SEMA6D: variants seen among roughly 807,000 people sequenced by gnomAD.
The protein encoded by SEMA6D is semaphorin 6D.
A neutral mutation model predicts 106.6 loss-of-function variants in SEMA6D; 35 were observed. The ratio of observed to expected loss-of-function variants is 0.33; its 90% CI spans 0.25 to 0.44. The LOEUF (loss-of-function observed/expected upper bound fraction) is 0.44. Ranked by LOEUF, SEMA6D falls within the 20% of genes least tolerant of loss-of-function variation. The probability of loss-of-function intolerance (pLI) is 1.00; values close to 1 mark genes in which losing one functional copy is unlikely to be tolerated. For synonymous variants in SEMA6D, 499 were observed against 487.7 expected (o/e 1.02, Z -0.31); for missense variants, 1,185 against 1,345.9 (o/e 0.88, Z 1.87).
At chr15:47,667,233 C>T (rs771302246) in intron 4 of SEMA6D, among the ~76,000 whole-genome samples, 31 of 152,196 alleles carry the variant, frequency 2.0e-4, no homozygotes, top group Non-Finnish European at 4.0e-4. Context: ...TGTTATAAAG[C>T]AAGAATAACT....
Position 47,390,035 on chromosome 15 carries a change from G to A in SEMA6D, c.-238-22358G>A, listed in dbSNP as rs1282061297. ...TGATCTTTATATACTGTCTCTCTTAGTTATTCCCATAGTAATACTGACCGA... is the reference window on the plus strand; with the variant it reads ...TGATCTTTATATACTGTCTCTCTTAATTATTCCCATAGTAATACTGACCGA... On this transcript the variant is annotated intron_variant, in intron 1 of 19. Coordinates refer to the SEMA6D transcript ENST00000558014. Among the ~76,000 whole-genome samples, 6 of 152,200 alleles carry A rather than the reference G, an allele frequency of 3.9e-5. No individual in the cohort carries two copies. In the South Asian group the frequency reaches 1.2e-3, roughly 32 times the overall value.
At chr15:47,598,630 A>G (rs1047436535) in intron 3 of SEMA6D, among the ~76,000 whole-genome samples, 2 of 152,146 alleles carry the variant, frequency 1.3e-5, no homozygotes, top group African/African-American at 4.8e-5. Flanking sequence ...AAAATTAAAA[A>G]GCTTGGGCTA....
chr15:47,256,980 A>G (rs970140841), intron 1 of SEMA6D, among the ~76,000 whole-genome samples: 1 of 151,748 alleles, frequency 6.6e-6, no homozygotes, highest in African/African-American at 2.4e-5. Flanking sequence ...AATCAATATG[A>G]TTTTATTTAT....
intron 3 of SEMA6D, among the ~76,000 whole-genome samples, chr15:47,506,275 C>T (rs2044034409): frequency 6.6e-6 from 1 of 152,136 alleles, no homozygotes; most frequent in Non-Finnish European, 1.5e-5. Context: ...GCCATCTGAT[C>T]TTAGAGGGCA....
At chr15:47,481,359 A>G (rs145672023) in intron 3 of SEMA6D, among the ~76,000 whole-genome samples, 2 of 152,306 alleles carry the variant, frequency 1.3e-5, no homozygotes, top group African/African-American at 4.8e-5. Context: ...ACTTAAGTGC[A>G]TGAAGAGAAA....
chr15:47,219,528 C>G (rs537479509), intron 1 of SEMA6D, among the ~76,000 whole-genome samples: 3 of 152,174 alleles, frequency 2.0e-5, no homozygotes, highest in Non-Finnish European at 4.4e-5. Flanking sequence ...CTCCCAAACA[C>G]AAATGTGAAG....
intron 1 of SEMA6D, among the ~76,000 whole-genome samples, chr15:47,257,688 A>C (rs914997354): frequency 6.6e-6 from 1 of 151,392 alleles, no homozygotes; most frequent in African/African-American, 2.4e-5. Context: ...TTTTTTTAGG[A>C]TAGGATATGG....
At chr15:47,610,298 T>C (rs1174453440) in intron 4 of SEMA6D, among the ~76,000 whole-genome samples, 1 of 152,212 alleles carries the variant, frequency 6.6e-6, no homozygotes, top group Non-Finnish European at 1.5e-5. Context: ...GGGTGAGTTC[T>C]TCCCAGAAAG....
At chr15:47,227,016 C>A (rs1244289460) in intron 1 of SEMA6D, among the ~76,000 whole-genome samples, 1 of 152,006 alleles carries the variant, frequency 6.6e-6, no homozygotes, top group Non-Finnish European at 1.5e-5. Flanking sequence ...TTCCTCCAAG[C>A]TCCTCCTGCC....
chr15:47,645,675 G>T (rs1434820900), intron 4 of SEMA6D, among the ~76,000 whole-genome samples: 2 of 152,144 alleles, frequency 1.3e-5, no homozygotes, highest in Admixed American at 6.5e-5. Flanking sequence ...ATAGCATCAG[G>T]TCACACAGGT....
At chr15:47,265,710 A>G (rs1328021471) in intron 1 of SEMA6D, among the ~76,000 whole-genome samples, 1 of 151,900 alleles carries the variant, frequency 6.6e-6, no homozygotes, top group East Asian at 1.9e-4. Context: ...GAAACTAGAC[A>G]TTTTAGATAA....
rs186526177 is a variant in SEMA6D, at chr15:47,365,469, T to G, written c.-238-46924T>G. ...TCTCTTTCCCAGATAGAAATTTGTT[T>G]CTAAATCAGCGTCTAATCTCTTGAC... On this transcript the variant is annotated intron_variant, in intron 1 of 19. Transcript: ENST00000558014. 7.3e-4 allele frequency among the ~76,000 whole-genome samples: 111 copies of G among 152,272 alleles called. No homozygotes were observed. In the Middle Eastern group the frequency reaches 0.027, roughly 37 times the overall value.
chr15:47,357,220 G>T (rs1220377249), intron 1 of SEMA6D, among the ~76,000 whole-genome samples: 1 of 152,106 alleles, frequency 6.6e-6, no homozygotes, highest in African/African-American at 2.4e-5. Flanking sequence ...TGTAGTCCCA[G>T]CTACTCGGGA....
chr15:47,579,466 C>A (rs1399456344), intron 3 of SEMA6D, among the ~76,000 whole-genome samples: 1 of 152,042 alleles, frequency 6.6e-6, no homozygotes, highest in Non-Finnish European at 1.5e-5. Flanking sequence ...TTAATGAGAA[C>A]CAAGCTTTGC....
intron 1 of SEMA6D, among the ~76,000 whole-genome samples, chr15:47,333,713 A>G (rs1595752937): frequency 6.6e-6 from 1 of 152,200 alleles, no homozygotes; most frequent in East Asian, 1.9e-4. Flanking sequence ...AACCCTTAAT[A>G]TCATGGACAT....
At chr15:47,329,693 T>G (rs1309088854) in intron 1 of SEMA6D, among the ~76,000 whole-genome samples, 3 of 152,198 alleles carry the variant, frequency 2.0e-5, no homozygotes, top group Admixed American at 6.5e-5. Flanking sequence ...CAGACCTGCC[T>G]CAGATTCCAG....
At chr15:47,250,214 A>T (rs2033433494) in intron 1 of SEMA6D, among the ~76,000 whole-genome samples, 1 of 152,184 alleles carries the variant, frequency 6.6e-6, no homozygotes, top group South Asian at 2.1e-4. Context: ...ATCCACTATG[A>T]TATATCTATT....
chr15:47,688,880 A>C (rs2078526620), intron 4 of SEMA6D, among the ~76,000 whole-genome samples: 1 of 152,200 alleles, frequency 6.6e-6, no homozygotes, highest in Non-Finnish European at 1.5e-5. Flanking sequence ...TTTTGGTTGG[A>C]TGAAAGGACT....
intron 4 of SEMA6D, among the ~76,000 whole-genome samples, chr15:47,615,921 G>A (rs1307205539): frequency 6.6e-6 from 1 of 152,156 alleles, no homozygotes; most frequent in African/African-American, 2.4e-5. Flanking sequence ...TCCAGTTACT[G>A]AAGAGCACAT....
Sources: gnomAD v4.1 joint callset for allele counts (sites outside exome capture counted in the v4.1 genomes callset) on GRCh38, gnomAD v4.1.1 for gene constraint, MANE v1.5 for transcripts, NCBI Gene and HGNC (gene_info 2026-07-23, HGNC 2026-07-21) for gene names.